The following ACSS3 variants were observed in gnomAD, a reference collection of about 807,000 sequenced individuals.
ACSS3 encodes the protein acyl-CoA synthetase short-chain family member 3, mitochondrial.
ACSS3 carries 64 observed loss-of-function variants against 84.2 expected under a neutral mutation model. The ratio of observed to expected loss-of-function variants is 0.76; its 90% CI spans 0.62 to 0.94. The LOEUF is 0.94. Ranked by LOEUF, ACSS3 falls within the 40% of genes least tolerant of loss-of-function variation. The pLI is 0.00. For missense variants in ACSS3, 815 were observed against 867.6 expected, an observed-to-expected ratio of 0.94 and a Z score of 0.76; for synonymous variants, 317 against 310.1, an observed-to-expected ratio of 1.02 and a Z score of -0.23.
intron 7 of ACSS3, among the ~76,000 whole-genome samples, chr12:81,163,533 G>A (rs555393413): frequency 5.9e-5 from 9 of 152,206 alleles, no homozygotes; most frequent in South Asian, 4.2e-4. Context: ...ATTTTAGAGC[G>A]TACTCCTACA....
At chr12:81,162,178 G>A (rs754725929) in intron 7 of ACSS3, among the ~76,000 whole-genome samples, 36 of 152,222 alleles carry the variant, frequency 2.4e-4, no homozygotes, top group Non-Finnish European at 4.4e-4. Flanking sequence ...GACAACTGGA[G>A]GGTGAGCAAG....
chr12:81,176,793 A>T (rs2030514659), intron 8 of ACSS3, among the ~76,000 whole-genome samples: 1 of 152,158 alleles, frequency 6.6e-6, no homozygotes, highest in Admixed American at 6.5e-5. Context: ...GTTGAGGGGG[A>T]GGGATTCCTT....
chr12:81,244,453 T>G (rs2033916817), intron 13 of ACSS3, among the ~76,000 whole-genome samples: 1 of 152,120 alleles, frequency 6.6e-6, no homozygotes, highest in Admixed American at 6.6e-5. Context: ...CTTCATATAT[T>G]GCTTCCATTT....
rs572018609 is a variant in ACSS3, at chr12:81,170,011, G to T, written c.1099-4777G>T. The stretch of plus-strand genomic sequence containing the variant: ...TTTCTAATCCTGCCACAAAAAAAGA[G>T]GCAAAACTGCAGTTGACTCAAAAAG... On this transcript the variant is annotated intron_variant, in intron 7 of 15. Coordinates refer to ENST00000548058, the MANE Select transcript of ACSS3 (RefSeq NM_024560.4). 5.9e-5 allele frequency among the ~76,000 whole-genome samples: 9 copies of T among 152,196 alleles called. No individual in the cohort carries two copies. In the East Asian group the frequency reaches 1.7e-3, roughly 29 times the overall value.
At chr12:81,253,219 A>G (rs1442601419) in intron 13 of ACSS3, 88 bp from the exon 14 acceptor site, 59 of 1,342,004 alleles carry the variant, frequency 4.4e-5, no homozygotes, top group Non-Finnish European at 5.7e-5. Context: ...ATGTGTTTGT[A>G]TATCTATATC....
chr12:81,260,368 C>T lies in ACSS3; in HGVS notation c.*5446C>T, dbSNP rs1358605709. On this transcript the variant is annotated 3_prime_UTR_variant, in exon 16 of 16. Transcript: ENST00000548058. Reference sequence around the variant, plus strand: ...AAAACAGATTGCAAATAGAGTAACTCTACCCATCACTTAAGAGCTAAGAAG... The same window carrying T: ...AAAACAGATTGCAAATAGAGTAACTTTACCCATCACTTAAGAGCTAAGAAG... 1.3e-5 allele frequency: 2 copies of T among 152,136 alleles called. No homozygotes were observed. The highest frequency in any genetic ancestry group is 4.8e-5 in the African/African-American group (2 of 41,442). 9.4% of individuals were successfully genotyped at this position (152,136 alleles called of 1,614,324 possible).
rs969245596 is a variant in ACSS3, at chr12:81,255,664, A to G, written c.*742A>G. On this transcript the variant is annotated 3_prime_UTR_variant, in exon 16 of 16. Coordinates refer to ENST00000548058, the MANE Select transcript of ACSS3 (RefSeq NM_024560.4). The stretch of plus-strand genomic sequence containing the variant: ...GTGAAACCCTGTAGCTACTGAAAAT[A>G]CAAAAATAAGCCAGGCGTGGTGGCG... The G allele has an allele frequency of 6.6e-6, 1 of 152,120 alleles. No homozygotes were observed. Among genetic ancestry groups the G allele is most frequent in the Non-Finnish European group, 1.5e-5 (1 of 68,062 alleles). The allele number at this position is 152,120 out of a possible 1,614,324, so 9.4% of individuals were successfully genotyped here.
rs1420152579 is a variant in ACSS3, at chr12:81,143,170, T to C, written c.844T>C (p.Ser282Pro). 2.2e-5 allele frequency: 35 copies of C among 1,613,724 alleles called. 1 individual carries two copies. The highest frequency in any genetic ancestry group is 2.8e-5 in the Non-Finnish European group (33 of 1,179,788). ...DWDEEMAKAQ[S>P]HDCVPVLSEH... ...GGATGAAGAGATGGCAAAAGCCCAG[T>C]CACATGACTGTGTTCCTGTTCTTTC... is the stretch of plus-strand genomic sequence containing the variant. The change falls in exon 5 of 16, where the codon TCA (serine) becomes CCA (proline). Residue 282 changes from serine to proline, a missense_variant. Physicochemically the swap from Ser to Pro is moderately conservative, Grantham distance 74 (BLOSUM62 -1). Coordinates refer to ENST00000548058, the MANE Select transcript of ACSS3 (RefSeq NM_024560.4).
chr12:81,219,967 T>G (rs1396734056), intron 10 of ACSS3, 46 bp from the exon 11 acceptor site: 2 of 1,292,814 alleles, frequency 1.5e-6, no homozygotes, highest in Non-Finnish European at 1.0e-6. Flanking sequence ...TGTTTAAGCT[T>G]TAAGATTATG....
chr12:81,119,988 A>G (rs117579226), intron 2 of ACSS3, among the ~76,000 whole-genome samples: 14,759 of 152,186 alleles, frequency 0.097, 905 homozygotes, highest in East Asian at 0.21. Flanking sequence ...CCGTGGCTCC[A>G]GCTGGTCCCT....
chr12:81,119,917 T>A (rs1884426657), intron 2 of ACSS3, among the ~76,000 whole-genome samples: 1 of 152,190 alleles, frequency 6.6e-6, no homozygotes, highest in Non-Finnish European at 1.5e-5. Flanking sequence ...TAAGAAATCA[T>A]AAGAGTATTA....
At chr12:81,213,734 TCCCCTCC>T (rs2032727479) in intron 9 of ACSS3, among the ~76,000 whole-genome samples, 1 of 113,550 alleles carries the variant, frequency 8.8e-6, no homozygotes, top group Non-Finnish European at 1.8e-5. Flanking sequence ...TCCCCTCCGC[TCCCCTCC>T]GCTCGGCTCC....
intron 1 of ACSS3, among the ~76,000 whole-genome samples, chr12:81,106,771 A>T (rs1297133755): frequency 2.0e-5 from 3 of 152,212 alleles, no homozygotes; most frequent in Non-Finnish European, 4.4e-5. Flanking sequence ...CAGGTCTAAA[A>T]CAGGGAGATT....
At chr12:81,187,200 C>T (rs2031313872) in intron 8 of ACSS3, among the ~76,000 whole-genome samples, 1 of 151,208 alleles carries the variant, frequency 6.6e-6, no homozygotes, top group South Asian at 2.1e-4. Flanking sequence ...CCATGGTTAC[C>T]AGGATTGGAA....
At chr12:81,214,007 C>CT (rs1565724543) in intron 9 of ACSS3, among the ~76,000 whole-genome samples, 30 of 74,028 alleles carry the variant, frequency 4.1e-4, no homozygotes, top group African/African-American at 1.1e-3. Flanking sequence ...TTCTTTCTTT[C>CT]ATCTGTCTGT....
intron 7 of ACSS3, among the ~76,000 whole-genome samples, chr12:81,158,962 C>T (rs1039182921): frequency 2.6e-5 from 4 of 152,134 alleles, no homozygotes; most frequent in Admixed American, 2.0e-4. Flanking sequence ...TTCTCAGCTC[C>T]TTGCCTTAAT....
intron 11 of ACSS3, among the ~76,000 whole-genome samples, chr12:81,227,804 G>A (rs939483348): frequency 6.6e-6 from 1 of 151,740 alleles, no homozygotes; most frequent in Non-Finnish European, 1.5e-5. Context: ...TCTACAGGAC[G>A]ATTTGAATGA....
At chr12:81,236,575 T>C (rs1416640987) in intron 13 of ACSS3, among the ~76,000 whole-genome samples, 1 of 151,454 alleles carries the variant, frequency 6.6e-6, no homozygotes, top group African/African-American at 2.4e-5. Context: ...TGTTTTTATG[T>C]TTATCCAATC....
intron 9 of ACSS3, among the ~76,000 whole-genome samples, chr12:81,213,963 CTT>C (rs1565724373): frequency 1.3e-4 from 11 of 81,860 alleles, no homozygotes; most frequent in Non-Finnish European, 1.7e-4. Context: ...CTCTCTCTTT[CTT>C]TCTTTCTTTC....
Sources: gnomAD v4.1 joint callset for allele counts (sites outside exome capture counted in the v4.1 genomes callset) on GRCh38, gnomAD v4.1.1 for gene constraint, MANE v1.5 for transcripts, NCBI Gene and HGNC (gene_info 2026-07-23, HGNC 2026-07-21) for gene names.